Variants in MS4A6A observed in about 807,000 individuals in gnomAD.
MS4A6A encodes the protein membrane-spanning 4-domains subfamily A member 6A.
A neutral mutation model predicts 20.6 loss-of-function variants in MS4A6A; 19 were observed. The observed-to-expected ratio is 0.92, with a 90% CI of 0.64 to 1.36. MS4A6A has a LOEUF of 1.36. Among genes scored for constraint, MS4A6A ranks in the 40% most tolerant of loss-of-function variants. The probability of loss-of-function intolerance (pLI) is 0.00; values close to 1 mark genes in which losing one functional copy is unlikely to be tolerated. For missense variants in MS4A6A, 272 were observed against 261.1 expected, an observed-to-expected ratio of 1.04 and a Z score of -0.29; for synonymous variants, 108 against 105.0, an observed-to-expected ratio of 1.03 and a Z score of -0.17.
At position 60,181,542 on chromosome 11, in the gene MS4A6A, C is replaced by T. The variant is rs781072588; in HGVS notation, c.147+39G>A. 108 of 1,610,688 alleles carry T rather than the reference C, an allele frequency of 6.7e-5. No individual in the cohort carries two copies. The African/African-American group carries it at 1.3e-3, about 20-fold the overall frequency. On this transcript the variant is annotated intron_variant, in intron 2 of 5. Coordinates refer to ENST00000528851, the MANE Select transcript of MS4A6A (RefSeq NM_022349.4). The stretch of plus-strand genomic sequence containing the variant: ...AGACATATATCATCTCTTGGCACTT[C>T]CCCCAACCCCTCTCCAACACGTTCT...
In MS4A6A at chr11:60,172,580, A is replaced by G. The variant is rs564786181; in HGVS notation, c.*421T>C. The G allele has an allele frequency of 5.3e-4, 599 of 1,129,400 alleles. 2 individuals carry two copies. In the South Asian group the frequency reaches 0.01, roughly 19 times the overall value. The allele number at this position is 1,129,400 out of a possible 1,614,324, so 70.0% of individuals were successfully genotyped here. A position where few individuals can be genotyped will look rare whatever the true frequency, so the allele number is the denominator to read the frequency against. On this transcript the variant is annotated 3_prime_UTR_variant, in exon 6 of 6. Transcript: ENST00000528851. ...ACCAGGGGCAAATGCAGAGCATAAG[A>G]CATTCACTGGATCCAGTTACGTGTG...
rs1163696312 is a variant in MS4A6A at position 60,173,104 on chromosome 11, C to G, written c.575G>C (p.Cys192Ser). The change falls in exon 6 of 6, where the codon TGC (cysteine) becomes TCC (serine). Residue 192 changes from cysteine (C) to serine (S), a missense_variant. Physicochemically the swap from Cys to Ser is moderately radical, Grantham distance 112. Coordinates refer to ENST00000528851, the MANE Select transcript of MS4A6A (RefSeq NM_022349.4). ...AGCTAGGCAGAATTCCAGCAGAGTGCAAATCAGCATCAGAGAGAGAGTTCC... is the reference window on the plus strand; with the variant it reads ...AGCTAGGCAGAATTCCAGCAGAGTGGAAATCAGCATCAGAGAGAGAGTTCC... ...LAGTLSLMLI[C>S]TLLEFCLAVL... The G allele has an allele frequency of 1.9e-6, 3 of 1,613,960 alleles. No homozygotes were observed. The highest frequency in any genetic ancestry group is 2.2e-5 in the East Asian group (1 of 44,864).
Position 60,176,210 on chromosome 11 carries a change from C to T in MS4A6A, c.340-599G>A, listed in dbSNP as rs183204829. 3.2e-3 allele frequency among the ~76,000 whole-genome samples: 489 copies of T among 152,248 alleles called. 2 individuals carry two copies. The highest frequency in any genetic ancestry group is 5.4e-3 in the Non-Finnish European group (369 of 68,014). On this transcript the variant is annotated intron_variant, in intron 4 of 5. Transcript: ENST00000528851. ...AGGCAGGCCCTGGAACATGGGCAGG[C>T]ATATGATTGGCCACACTGAGTGCAG...
intron 3 of MS4A6A, chr11:60,179,487 G>T (rs1010705199): frequency 4.3e-5 from 25 of 582,890 alleles, no homozygotes; most frequent in Non-Finnish European, 7.3e-5. Flanking sequence ...TTCCATTTAT[G>T]CTCTTTTTTT....
At position 60,178,296 on chromosome 11, in the gene MS4A6A, T is replaced by C. The variant is rs1856951330; in HGVS notation, c.303A>G (p.Leu101=). 2.5e-6 allele frequency: 4 copies of C among 1,613,586 alleles called. No homozygotes were observed. The highest frequency in any genetic ancestry group is 1.1e-5 in the South Asian group (1 of 91,076). ...GPFFFIISGS[L]SIATEKRLTK... is the part of the protein sequence containing the mutation. ...TTAACCTTTTCTCTGTGGCGATTGA[T>C]AGAGAGCCAGAGATGATAAACTAAG... Residue 101 remains leucine (L), a synonymous_variant, in exon 4 of 6, where the codon CTA becomes CTG. Coordinates refer to ENST00000528851, the MANE Select transcript of MS4A6A (RefSeq NM_022349.4).
Position 60,173,215 on chromosome 11 carries a change from A to G in MS4A6A, c.550-86T>C. 4 of 1,111,154 alleles carry G rather than the reference A, an allele frequency of 3.6e-6. No homozygotes were observed. In the South Asian group the frequency reaches 5.0e-5, roughly 14 times the overall value. 68.8% of individuals were successfully genotyped at this position (1,111,154 alleles called of 1,614,324 possible). ...TTGAGAGGTGACCATAGAGATGAAG[A>G]CCACCTCAACCATTAGAGAATGAAG... On this transcript the variant is annotated intron_variant, in intron 5 of 5. Transcript: ENST00000528851.
At chr11:60,175,991 C>A (rs1380695090) in intron 4 of MS4A6A, among the ~76,000 whole-genome samples, 1 of 152,184 alleles carries the variant, frequency 6.6e-6, no homozygotes, top group Non-Finnish European at 1.5e-5. Context: ...TCGCTCAACT[C>A]AAAAACCCCT....
chr11:60,172,102 A>G, downstream of MS4A6A: 1 of 1,549,052 alleles, frequency 6.5e-7, no homozygotes. Flanking sequence ...ATAATGGTTA[A>G]CTTTTCCATA....
At chr11:60,183,113 G>A (rs1318183679), upstream of MS4A6A, 1 of 1,534,510 alleles carries the variant, frequency 6.5e-7, no homozygotes, top group African/African-American at 1.4e-5. Context: ...AGTGTTTACA[G>A]CTATACAGGA....
At chr11:60,176,591 C>A (rs1041827741) in intron 4 of MS4A6A, among the ~76,000 whole-genome samples, 1 of 152,162 alleles carries the variant, frequency 6.6e-6, no homozygotes, top group Non-Finnish European at 1.5e-5. Context: ...TAGAATGTTA[C>A]TTAATCCCAC....
intron 4 of MS4A6A, among the ~76,000 whole-genome samples, chr11:60,176,145 A>C (rs944100277): frequency 2.6e-5 from 4 of 152,210 alleles, no homozygotes; most frequent in Non-Finnish European, 5.9e-5. Context: ...TCTCAAAAGC[A>C]CACCTCTCAA....
chr11:60,180,335 G>A (rs1857068588), intron 2 of MS4A6A: 1 of 210,140 alleles, frequency 4.8e-6, no homozygotes, highest in Non-Finnish European at 9.5e-6. Context: ...CTGAAAACAG[G>A]GGACATCTGA....
chr11:60,173,101 G>A lies in MS4A6A; in HGVS notation c.578C>T (p.Thr193Ile). The A allele has an allele frequency of 5.0e-6, 8 of 1,614,092 alleles. No homozygotes were observed. Among genetic ancestry groups the A allele is most frequent in the Non-Finnish European group, 6.8e-6 (8 of 1,179,960 alleles). The stretch of plus-strand genomic sequence containing the variant: ...CACAGCTAGGCAGAATTCCAGCAGA[G>A]TGCAAATCAGCATCAGAGAGAGAGT... ...AGTLSLMLIC[T>I]LLEFCLAVLT... Residue 193 changes from threonine (T) to isoleucine (I), a missense_variant, in exon 6 of 6, where the codon ACT becomes ATT. Coordinates refer to ENST00000528851, the MANE Select transcript of MS4A6A (RefSeq NM_022349.4).
downstream of MS4A6A, chr11:60,172,289 C>T (rs772298339): frequency 6.2e-6 from 10 of 1,605,198 alleles, no homozygotes; most frequent in Admixed American, 1.2e-4. Flanking sequence ...CTTCAGACTT[C>T]AATCAGGTTC....
chr11:60,178,183 G>C, intron 4 of MS4A6A, 77 bp downstream of exon 4: 1 of 1,348,234 alleles, frequency 7.4e-7, no homozygotes, highest in Admixed American at 1.9e-5. Flanking sequence ...TTTCAAAGTA[G>C]AAAGACTAGC....
At position 60,181,632 on chromosome 11, in the gene MS4A6A, C is replaced by G. The variant is rs1857139610; in HGVS notation, c.96G>C (p.Gln32His). Residue 32 changes from glutamine (Q) to histidine (H), a missense_variant, in exon 2 of 6, where the codon CAG becomes CAC. Gln to His is a conservative substitution (Grantham distance 24). Coordinates refer to ENST00000528851, the MANE Select transcript of MS4A6A (RefSeq NM_022349.4). ...GATGTTTCTTCAGGCTATCCTGCCC[C>G]TGGTTGGTGGGTTCGGGTTTCTCTG... ...SQAEKPEPTN[Q>H]GQDSLKKHLH... The G allele has an allele frequency of 1.2e-6, 2 of 1,613,732 alleles. No homozygotes were observed. Among genetic ancestry groups the G allele is most frequent in the African/African-American group, 1.3e-5 (1 of 74,814 alleles).
At chr11:60,178,398 C>T (rs1377153207) in intron 3 of MS4A6A, 82 bp from the exon 4 acceptor site, 2 of 1,121,082 alleles carry the variant, frequency 1.8e-6, no homozygotes, top group Non-Finnish European at 2.7e-6. Context: ...TTATAGACAA[C>T]TCTCATGGGA....
intron 2 of MS4A6A, 62 bp downstream of exon 2, chr11:60,181,519 A>C: frequency 6.3e-7 from 1 of 1,596,904 alleles, no homozygotes; most frequent in East Asian, 2.2e-5. Context: ...CAGTCCCAAG[A>C]CATATATCAT....
chr11:60,182,522 T>G (rs1857184610), intron 1 of MS4A6A: 1 of 152,196 alleles, frequency 6.6e-6, no homozygotes, highest in African/African-American at 2.4e-5. Context: ...TGTGTCTGAG[T>G]TTACTCAGGC....
Sources: allele counts gnomAD v4.1 joint callset (sites outside exome capture counted in the v4.1 genomes callset), GRCh38; gene constraint gnomAD v4.1.1; transcripts MANE v1.5; gene names NCBI Gene and HGNC (gene_info 2026-07-23, HGNC 2026-07-21).